The following BCR variants were observed in gnomAD, a reference collection of about 807,000 sequenced individuals.
BCR encodes the protein breakpoint cluster region protein.
Under a neutral mutation model 138.6 loss-of-function variants are expected in BCR, and 58 were observed. The ratio of observed to expected loss-of-function variants is 0.42; its 90% CI spans 0.34 to 0.52. BCR has a LOEUF of 0.52. Ranked by LOEUF, BCR falls within the 20% of genes least tolerant of loss-of-function variation. The probability of loss-of-function intolerance (pLI) is 0.06; values close to 1 mark genes in which losing one functional copy is unlikely to be tolerated. For missense variants in BCR, 1,599 were observed against 1,727.2 expected (o/e 0.93, Z 1.32); for synonymous variants, 786 against 730.1 (o/e 1.08, Z -1.23).
chr22:23,290,824 T>A (rs1474436904), intron 14 of BCR: 1 of 219,312 alleles, frequency 4.6e-6, no homozygotes, highest in Non-Finnish European at 9.3e-6. Context: ...GGATACTACT[T>A]TTTTTTTCCT....
At chr22:23,205,925 G>C (rs969521285) in intron 1 of BCR, among the ~76,000 whole-genome samples, 1 of 152,192 alleles carries the variant, frequency 6.6e-6, no homozygotes, top group African/African-American at 2.4e-5. Context: ...ATGCCTGGTG[G>C]TGATGCAATC....
chr22:23,237,925 G>A (rs2073044706), intron 1 of BCR, among the ~76,000 whole-genome samples: 1 of 152,264 alleles, frequency 6.6e-6, no homozygotes, highest in Non-Finnish European at 1.5e-5. Context: ...GAGCGAAAGA[G>A]TGCGCTGCTA....
chr22:23,254,573 C>G (rs755897750), intron 2 of BCR: 6 of 518,796 alleles, frequency 1.2e-5, no homozygotes, highest in Non-Finnish European at 2.3e-5. Context: ...ACCCACGCCC[C>G]CCCTCACATG....
At chr22:23,219,879 C>G (rs949965043) in intron 1 of BCR, among the ~76,000 whole-genome samples, 7 of 147,512 alleles carry the variant, frequency 4.7e-5, no homozygotes, top group African/African-American at 1.8e-4. Context: ...TCCGGCCGCT[C>G]TCAGCCGCTC....
chr22:23,216,764 A>G lies in BCR; in HGVS notation c.1279+34525A>G, dbSNP rs141161971. 7.9e-5 allele frequency among the ~76,000 whole-genome samples: 12 copies of G among 152,336 alleles called. No individual in the cohort carries two copies. In the East Asian group the frequency reaches 2.1e-3, roughly 27 times the overall value. On this transcript the variant is annotated intron_variant, in intron 1 of 22. Transcript: ENST00000305877. ...CCGAGGTGGCCTAACCGTTGTAGCT[A>G]AGGACTTGGTAGGGACACCGGAAGG...
At chr22:23,233,615 C>T (rs1049928549) in intron 1 of BCR, among the ~76,000 whole-genome samples, 2 of 151,858 alleles carry the variant, frequency 1.3e-5, no homozygotes, top group Non-Finnish European at 2.9e-5. Flanking sequence ...TGGTGAAACC[C>T]CGTCTTTGCT....
At chr22:23,298,725 A>G (rs1450988780) in intron 16 of BCR, among the ~76,000 whole-genome samples, 1 of 151,920 alleles carries the variant, frequency 6.6e-6, no homozygotes, top group Non-Finnish European at 1.5e-5. Flanking sequence ...CCTCCTGAAT[A>G]GCTGTTATTA....
chr22:23,248,320 G>C (rs2073178224), intron 1 of BCR, among the ~76,000 whole-genome samples: 1 of 150,758 alleles, frequency 6.6e-6, no homozygotes, highest in Non-Finnish European at 1.5e-5. Context: ...CTCCAGCAGT[G>C]TCCGGGCAAC....
intron 1 of BCR, among the ~76,000 whole-genome samples, chr22:23,221,204 G>C (rs2072820650): frequency 6.6e-6 from 1 of 152,214 alleles, no homozygotes; most frequent in Non-Finnish European, 1.5e-5. Context: ...TGGCGATGCA[G>C]ATGGAAGATG....
rs752977641 is a variant in BCR, at chr22:23,284,114, G to A, written c.2237+16G>A. On this transcript the variant is annotated intron_variant, in intron 9 of 22. Transcript: ENST00000305877. ...AGAGCGGAGGGTGAGTGACGATGTGGCCCCTGTCCCAGCAGTGACCCCACC... is the reference window on the plus strand; with the variant it reads ...AGAGCGGAGGGTGAGTGACGATGTGACCCCTGTCCCAGCAGTGACCCCACC... The A allele has an allele frequency of 1.9e-6, 3 of 1,611,360 alleles. No homozygotes were observed. Among genetic ancestry groups the A allele is most frequent in the Non-Finnish European group, 2.5e-6 (3 of 1,179,124 alleles).
intron 2 of BCR, among the ~76,000 whole-genome samples, chr22:23,258,302 G>A (rs1385960958): frequency 6.6e-6 from 1 of 152,218 alleles, no homozygotes; most frequent in Non-Finnish European, 1.5e-5. Flanking sequence ...AAGTGAGGAT[G>A]TGTGGTCCAA....
At position 23,263,412 on chromosome 22, in the gene BCR, G is replaced by A. The variant is rs2073396608; in HGVS notation, c.1752+1872G>A. On this transcript the variant is annotated intron_variant, in intron 4 of 22. Coordinates refer to ENST00000305877, the MANE Select transcript of BCR (RefSeq NM_004327.4). ...CCTGATGACCAGTGTCCCAGTGAAG[G>A]TGTCTCAGAACTGGATAGTGGGGTG... The A allele has an allele frequency of 2.4e-6, 3 of 1,271,676 alleles. No individual in the cohort carries two copies. In the Admixed American group the frequency reaches 5.1e-5, roughly 21 times the overall value. The allele number at this position is 1,271,676 out of a possible 1,614,324, so 78.8% of individuals were successfully genotyped here. A position where few individuals can be genotyped will look rare whatever the true frequency, so the allele number is the denominator to read the frequency against.
chr22:23,280,803 G>C (rs540842974), intron 8 of BCR, among the ~76,000 whole-genome samples: 1 of 152,302 alleles, frequency 6.6e-6, no homozygotes, highest in African/African-American at 2.4e-5. Context: ...CTGGGATGTG[G>C]GGGGGCTCCC....
chr22:23,241,001 G>A (rs1259216632), intron 1 of BCR, among the ~76,000 whole-genome samples: 2 of 152,224 alleles, frequency 1.3e-5, no homozygotes, highest in African/African-American at 4.8e-5. Context: ...GTCAGCGTGT[G>A]TCAGAGTTTC....
intron 22 of BCR, 118 bp downstream of exon 22, chr22:23,314,832 T>G: frequency 7.5e-7 from 1 of 1,326,234 alleles, no homozygotes; most frequent in South Asian, 1.2e-5. Flanking sequence ...TGGCCAACAT[T>G]CACAGAGAGG....
chr22:23,241,121 G>A (rs2073085347), intron 1 of BCR, among the ~76,000 whole-genome samples: 1 of 152,220 alleles, frequency 6.6e-6, no homozygotes, highest in African/African-American at 2.4e-5. Context: ...GGCCATTGTG[G>A]ATGGCGCTGC....
intron 22 of BCR, 111 bp downstream of exon 22, chr22:23,314,825 C>A: frequency 7.3e-7 from 1 of 1,372,156 alleles, no homozygotes; most frequent in Non-Finnish European, 1.0e-6. Context: ...TGTGGTGTGG[C>A]CAACATTCAC....
At chr22:23,282,034 T>C (rs1233734164) in intron 8 of BCR, among the ~76,000 whole-genome samples, 8 of 152,158 alleles carry the variant, frequency 5.3e-5, no homozygotes. Flanking sequence ...ACTGCCTTTG[T>C]ATGGAGAAGG....
chr22:23,181,829 G>A lies in BCR; in HGVS notation c.869G>A (p.Gly290Glu), dbSNP rs905756469. 6.2e-7 allele frequency: 1 copy of A among 1,611,504 alleles called. No individual in the cohort carries two copies. The highest frequency in any genetic ancestry group is 1.3e-5 in the African/African-American group (1 of 74,940). ...ATCTACGTCGGGGGCATGATGGAAG[G>A]GGAGGGCAAGGGCCCGCTCCTGCGC... Reference protein sequence around the residue: ...QSIYVGGMMEGEGKGPLLRSQ... With the variant: ...QSIYVGGMMEEEGKGPLLRSQ... Residue 290 changes from glycine (G) to glutamate (E), a missense_variant, in exon 1 of 23, where the codon GGG becomes GAG. Transcript: ENST00000305877.
Sources: allele counts gnomAD v4.1 joint callset (sites outside exome capture counted in the v4.1 genomes callset), GRCh38; gene constraint gnomAD v4.1.1; transcripts MANE v1.5; gene names NCBI Gene and HGNC (gene_info 2026-07-23, HGNC 2026-07-21).